The following DAPK2 variants were observed in gnomAD, a reference collection of about 807,000 sequenced individuals.
DAPK2 encodes death associated protein kinase 2.
A neutral mutation model predicts 44.1 loss-of-function variants in DAPK2; 35 were observed. The observed-to-expected ratio is 0.79, with a 90% CI of 0.61 to 1.05. The LOEUF (loss-of-function observed/expected upper bound fraction) is 1.05. Ranked by LOEUF, DAPK2 falls within the 50% of genes least tolerant of loss-of-function variation. DAPK2 has a pLI of 0.00. For synonymous variants in DAPK2, 174 were observed against 182.6 expected, an observed-to-expected ratio of 0.95 and a Z score of 0.38; for missense variants, 453 against 483.2, an observed-to-expected ratio of 0.94 and a Z score of 0.59.
chr15:64,042,451 A>T (rs1159126037), upstream of DAPK2, among the ~76,000 whole-genome samples: 1 of 152,194 alleles, frequency 6.6e-6, no homozygotes, highest in Non-Finnish European at 1.5e-5. The surrounding 1 kb of genome is among the most constrained non-coding windows in gnomAD (Gnocchi z 4.7). Context: ...AACTCCAAAA[A>T]AATTCTGTTG....
intron 3 of DAPK2, among the ~76,000 whole-genome samples, chr15:63,970,255 A>G (rs992001130): frequency 6.6e-6 from 1 of 152,150 alleles, no homozygotes; most frequent in Non-Finnish European, 1.5e-5. Context: ...TGCTTCCTGC[A>G]CTGTTCCTGG....
rs577826791 is a variant in DAPK2, at chr15:63,912,950, T to G, written c.859-753A>C. Among the ~76,000 whole-genome samples the G allele has an allele frequency of 6.6e-6, 1 of 152,314 alleles. No individual in the cohort carries two copies. The highest frequency in any genetic ancestry group is 1.9e-4 in the East Asian group (1 of 5,184). On this transcript the variant is annotated intron_variant, in intron 8 of 10. Transcript: ENST00000261891. This position sits in a 1 kb window ranked among gnomAD's most constrained non-coding sequence, Gnocchi z 4.4. ...AATAAGGTTTTGTGAAATCAAGAGA[T>G]AGGTTTCAGGGGTTCTGTGAACAAA...
Position 64,016,169 on chromosome 15 carries a change from G to A in DAPK2, c.92+24001C>T, listed in dbSNP as rs115216927. On this transcript the variant is annotated intron_variant, in intron 1 of 10. Transcript: ENST00000261891. ...GTCCTCCTCTCTCTCAGGTACTGCC[G>A]CCACCAGCAGGACACACGGCCTCTT... is the stretch of plus-strand genomic sequence containing the variant. Among the ~76,000 whole-genome samples, 486 of 152,276 alleles carry A rather than the reference G, an allele frequency of 3.2e-3. 3 individuals are homozygous for A. Among genetic ancestry groups the A allele is most frequent in the African/African-American group, 0.011 (465 of 41,560 alleles).
At position 63,923,178 on chromosome 15, in the gene DAPK2, C is replaced by G. The variant is rs1180915056; in HGVS notation, c.858+1638G>C. On this transcript the variant is annotated intron_variant, in intron 8 of 10. Transcript: ENST00000261891. This position sits in a 1 kb window ranked among gnomAD's most constrained non-coding sequence, Gnocchi z 4.2. Reference sequence around the variant, plus strand: ...ACCAGGGCACGGCATCCCAGGTCGACCCGAGCCACGTCTTCCACCACACAG... The same window carrying G: ...ACCAGGGCACGGCATCCCAGGTCGAGCCGAGCCACGTCTTCCACCACACAG... 1.3e-6 allele frequency: 2 copies of G among 1,535,878 alleles called. No individual in the cohort carries two copies. Among genetic ancestry groups the G allele is most frequent in the Non-Finnish European group, 1.7e-6 (2 of 1,146,734 alleles).
chr15:63,909,567 C>T (rs1460544), intron 10 of DAPK2: 65,805 of 151,912 alleles, frequency 0.43, 16,722 homozygotes, highest in East Asian at 0.94. Context: ...TTTGGGAGGC[C>T]GAGGCGGGTG....
intron 1 of DAPK2, among the ~76,000 whole-genome samples, chr15:63,989,907 G>T (rs886824206): frequency 4.6e-5 from 7 of 152,146 alleles, no homozygotes; most frequent in Admixed American, 6.5e-5. Flanking sequence ...GGCCAGGCTG[G>T]TCTTGAACTC....
chr15:64,033,325 G>GAAGGAAGGAAGGAAGGAAGGAAGGA (rs1438177286), intron 1 of DAPK2, among the ~76,000 whole-genome samples: 5 of 137,254 alleles, frequency 3.6e-5, no homozygotes, highest in African/African-American at 8.2e-5. Flanking sequence ...AGGAAGGAAG[G>GAAGGAAGGAAGGAAGGAAGGAAGGA]AAAAAAAAAA....
At chr15:63,928,732 G>A (rs2079397964) in intron 6 of DAPK2, among the ~76,000 whole-genome samples, 1 of 152,140 alleles carries the variant, frequency 6.6e-6, no homozygotes, top group East Asian at 1.9e-4. Flanking sequence ...ACTACACACT[G>A]GAGCTATGCA....
intron 2 of DAPK2, among the ~76,000 whole-genome samples, 161 bp downstream of exon 3, chr15:63,983,372 G>T (rs982219659): frequency 6.6e-6 from 1 of 152,200 alleles, no homozygotes; most frequent in Admixed American, 6.5e-5. Flanking sequence ...GAGGAAGGGG[G>T]TAACTGAGAC....
At chr15:64,040,412 C>T (rs2080321370), upstream of DAPK2, 9 of 623,518 alleles carry the variant, frequency 1.4e-5, 1 homozygote, top group South Asian at 1.1e-4. Context: ...CTGCCCTGCT[C>T]AAGCCTTTTC....
Position 64,020,417 on chromosome 15 carries a change from A to G in DAPK2, c.92+19753T>C, listed in dbSNP as rs1334283072. 2.6e-5 allele frequency among the ~76,000 whole-genome samples: 4 copies of G among 152,236 alleles called. No homozygotes were observed. Among genetic ancestry groups the G allele is most frequent in the Admixed American group, 6.5e-5 (1 of 15,278 alleles). ...GTCAATTTCACAGGGGTCTTCCCCAAGAGTGGCATGTTCTCTTGCAGTAAT... is the reference window on the plus strand; with the variant it reads ...GTCAATTTCACAGGGGTCTTCCCCAGGAGTGGCATGTTCTCTTGCAGTAAT... On this transcript the variant is annotated intron_variant, in intron 1 of 10. Transcript: ENST00000261891. The surrounding 1 kb of genome is among the most constrained non-coding windows in gnomAD (Gnocchi z 4.5).
At chr15:63,911,199 A>G (rs2078778700) in intron 10 of DAPK2, 1 of 150,570 alleles carries the variant, frequency 6.6e-6, no homozygotes, top group Non-Finnish European at 1.5e-5. Context: ...AACCTAAGCA[A>G]TAAGAGTGAA....
At chr15:63,935,222 C>T (rs2077109234) in intron 4 of DAPK2, among the ~76,000 whole-genome samples, 1 of 151,638 alleles carries the variant, frequency 6.6e-6, no homozygotes, top group Non-Finnish European at 1.5e-5. Flanking sequence ...TCCCAAGTTG[C>T]TGGGATTACA....
At chr15:63,976,055 G>A (rs923660787) in intron 2 of DAPK2, among the ~76,000 whole-genome samples, 1 of 152,144 alleles carries the variant, frequency 6.6e-6, no homozygotes, top group African/African-American at 2.4e-5. Context: ...TTAGCATCAT[G>A]AAAAGTAGAA....
chr15:63,926,146 G>A, intron 6 of DAPK2, 53 bp from the exon 8 acceptor site: 1 of 1,555,380 alleles, frequency 6.4e-7, no homozygotes, highest in Non-Finnish European at 8.7e-7. Context: ...GGTGGAAATG[G>A]GGATTACGGA....
At chr15:63,984,302 C>T (rs948164388) in intron 1 of DAPK2, among the ~76,000 whole-genome samples, 3 of 152,190 alleles carry the variant, frequency 2.0e-5, no homozygotes, top group Non-Finnish European at 4.4e-5. Flanking sequence ...GAGTTAATGG[C>T]AAAGCCAAGC....
chr15:63,961,593 C>T (rs188454548), intron 3 of DAPK2, among the ~76,000 whole-genome samples: 120 of 152,276 alleles, frequency 7.9e-4, no homozygotes, highest in African/African-American at 2.7e-3. Context: ...ATTTCTCCTT[C>T]ACTTATGAAG....
chr15:64,030,503 T>C (rs2141139084), intron 1 of DAPK2, among the ~76,000 whole-genome samples: 1 of 152,142 alleles, frequency 6.6e-6, no homozygotes, highest in Middle Eastern at 3.4e-3. Context: ...CAGGATGGAA[T>C]CCCACCAAGG....
At position 63,936,577 on chromosome 15, in the gene DAPK2, C is replaced by T. The variant is rs371924415; in HGVS notation, c.583+2655G>A. On this transcript the variant is annotated intron_variant, in intron 4 of 10. Coordinates refer to ENST00000261891, the Ensembl canonical transcript of DAPK2. ...AGTGAGCTGAGATCACACCACTGCA[C>T]TCCATGGGTGACAGAGTGAGACTCT... Among the ~76,000 whole-genome samples, 16 of 152,202 alleles carry T rather than the reference C, an allele frequency of 1.1e-4. No homozygotes were observed. The South Asian group carries it at 2.9e-3, about 28-fold the overall frequency.
Sources: allele counts gnomAD v4.1 joint callset (sites outside exome capture counted in the v4.1 genomes callset), GRCh38; gene constraint gnomAD v4.1.1; non-coding constraint Gnocchi (gnomAD v3.1); transcripts MANE v1.5; gene names NCBI Gene and HGNC (gene_info 2026-07-23, HGNC 2026-07-21).